CORO1C: variants seen among roughly 807,000 people sequenced by gnomAD.
CORO1C encodes the protein coronin-1C.
In CORO1C, 14 loss-of-function variants were observed where a neutral mutation model predicts 51.2. The ratio of observed to expected loss-of-function variants is 0.27; its 90% CI spans 0.18 to 0.43. CORO1C has a LOEUF of 0.43. Ranked by LOEUF, CORO1C falls within the 20% of genes least tolerant of loss-of-function variation. The pLI is 1.00. For synonymous variants in CORO1C, 181 were observed against 210.5 expected (o/e 0.86, Z 1.21); for missense variants, 417 against 607.8 (o/e 0.69, Z 3.30).
intron 8 of CORO1C, among the ~76,000 whole-genome samples, chr12:108,651,591 C>T (rs1290136470): frequency 6.6e-6 from 1 of 152,130 alleles, no homozygotes; most frequent in Non-Finnish European, 1.5e-5. Context: ...GGTAGGAAAA[C>T]CACCCACTTT....
intron 5 of CORO1C, 80 bp from the exon 6 acceptor site, chr12:108,657,503 C>T: frequency 1.4e-6 from 2 of 1,463,284 alleles, no homozygotes; most frequent in Non-Finnish European, 1.9e-6. Flanking sequence ...ACAGATCCAA[C>T]CTCACCAACT....
At chr12:108,715,221 G>A (rs951603437) in intron 1 of CORO1C, among the ~76,000 whole-genome samples, 5 of 151,874 alleles carry the variant, frequency 3.3e-5, no homozygotes, top group South Asian at 2.1e-4. Context: ...AAGACAAAGC[G>A]AAACTGTGTC....
At chr12:108,673,160 T>C (rs1255955268) in intron 3 of CORO1C, among the ~76,000 whole-genome samples, 2 of 152,218 alleles carry the variant, frequency 1.3e-5, no homozygotes, top group African/African-American at 4.8e-5. Flanking sequence ...TTAAGCCAGT[T>C]AGCCAAGTTG....
At chr12:108,652,851 A>C (rs1024738624) in intron 7 of CORO1C, among the ~76,000 whole-genome samples, 2 of 26,276 alleles carry the variant, frequency 7.6e-5, no homozygotes, top group African/African-American at 4.3e-4. Flanking sequence ...CTGTTATGCC[A>C]GTATGATGAT....
chr12:108,684,643 G>A (rs1216080725), intron 2 of CORO1C, among the ~76,000 whole-genome samples: 1 of 152,058 alleles, frequency 6.6e-6, no homozygotes, highest in African/African-American at 2.4e-5. Context: ...GATTACCTCT[G>A]GGGAAGGAGA....
chr12:108,682,280 C>A (rs1420164810), intron 2 of CORO1C, among the ~76,000 whole-genome samples: 1 of 151,886 alleles, frequency 6.6e-6, no homozygotes, highest in Non-Finnish European at 1.5e-5. Flanking sequence ...ATTAAGCTCA[C>A]TAGATAAGAC....
At chr12:108,716,971 C>T (rs2136882952) in intron 1 of CORO1C, among the ~76,000 whole-genome samples, 1 of 152,360 alleles carries the variant, frequency 6.6e-6, no homozygotes, top group Middle Eastern at 3.4e-3. Flanking sequence ...AGACCTGGCC[C>T]CTGCTCTCAT....
intron 1 of CORO1C, among the ~76,000 whole-genome samples, chr12:108,717,105 C>T (rs2035356224): frequency 6.6e-6 from 1 of 152,192 alleles, no homozygotes; most frequent in African/African-American, 2.4e-5. Context: ...AATCGGGGAA[C>T]AGAAGCAGTC....
At chr12:108,703,951 AC>A (rs1261923200) in intron 1 of CORO1C, among the ~76,000 whole-genome samples, 2 of 152,102 alleles carry the variant, frequency 1.3e-5, no homozygotes, top group Non-Finnish European at 2.9e-5. Context: ...GTGCCCCTCC[AC>A]TCACACAGGC....
In CORO1C at chr12:108,701,171, T is replaced by G. The variant is rs760283072; in HGVS notation, c.148A>C (p.Ile50Leu). 1 of 1,614,178 alleles carries G rather than the reference T, an allele frequency of 6.2e-7. No homozygotes were observed. The highest frequency in any genetic ancestry group is 2.2e-5 in the East Asian group (1 of 44,886). Residue 50 changes from isoleucine (I) to leucine (L), a missense_variant, in exon 2 of 11, where the codon ATA becomes CTA. Physicochemically the swap from Ile to Leu is conservative, Grantham distance 5. Transcript: ENST00000261401. Reference protein sequence around the residue: ...AVNPRFVAIIIEASGGGAFLV... With the variant: ...AVNPRFVAIILEASGGGAFLV... ...AACGCTCCTCCCCCACTTGCCTCTA[T>G]GATTATGGCAACAAATCTGGGATTG...
chr12:108,657,521 A>G (rs540428821), intron 5 of CORO1C, 98 bp from the exon 6 acceptor site: 29 of 1,312,906 alleles, frequency 2.2e-5, no homozygotes, highest in South Asian at 2.0e-4. Flanking sequence ...ACTGCCATTC[A>G]TGTTCACCTG....
At chr12:108,680,172 G>A (rs958265280) in intron 2 of CORO1C, among the ~76,000 whole-genome samples, 1 of 152,216 alleles carries the variant, frequency 6.6e-6, no homozygotes, top group African/African-American at 2.4e-5. Context: ...TGAGAGGAGA[G>A]AGACATTTAA....
chr12:108,697,078 T>A (rs1041678854), intron 2 of CORO1C, among the ~76,000 whole-genome samples: 1 of 152,306 alleles, frequency 6.6e-6, no homozygotes, highest in Non-Finnish European at 1.5e-5. Context: ...AGAAACCATG[T>A]CTAACTTATT....
intron 4 of CORO1C, among the ~76,000 whole-genome samples, chr12:108,659,853 G>A (rs2033182176): frequency 1.3e-5 from 2 of 152,326 alleles, no homozygotes; most frequent in South Asian, 2.1e-4. Flanking sequence ...TGATCATGGT[G>A]AGAAGCCCAA....
intron 1 of CORO1C, chr12:108,702,656 G>GA (rs2034909558): frequency 1.2e-6 from 1 of 814,460 alleles, no homozygotes; most frequent in Non-Finnish European, 1.8e-6. Flanking sequence ...ATACAGAGGA[G>GA]AGCTAACACC....
chr12:108,696,720 A>G (rs920808926), intron 2 of CORO1C, among the ~76,000 whole-genome samples: 7 of 152,272 alleles, frequency 4.6e-5, no homozygotes, highest in Admixed American at 1.3e-4. Context: ...GGACTAAAGA[A>G]TAAGTAAATG....
At chr12:108,730,678 T>G (rs575878456) in intron 1 of CORO1C, 2 of 153,230 alleles carry the variant, frequency 1.3e-5, no homozygotes, top group Non-Finnish European at 2.9e-5. Flanking sequence ...ACAGCCTTCC[T>G]GCTTCGTTCC....
Position 108,704,546 on chromosome 12 carries a change from G to A in CORO1C, c.-5-3223C>T, listed in dbSNP as rs557688092. ...AAATACATGTGGATAGAATGATATAGAAGTTCTTTTGCTACAATCACAGAG... is the reference window on the plus strand; with the variant it reads ...AAATACATGTGGATAGAATGATATAAAAGTTCTTTTGCTACAATCACAGAG... On this transcript the variant is annotated intron_variant, in intron 1 of 10. Coordinates refer to ENST00000261401, the MANE Select transcript of CORO1C (RefSeq NM_014325.4). Among the ~76,000 whole-genome samples the A allele has an allele frequency of 9.2e-5, 14 of 152,178 alleles. No individual in the cohort carries two copies. The South Asian group carries it at 2.9e-3, about 32-fold the overall frequency.
At chr12:108,729,911 T>C (rs1488386139) in intron 1 of CORO1C, among the ~76,000 whole-genome samples, 1 of 152,190 alleles carries the variant, frequency 6.6e-6, no homozygotes, top group Non-Finnish European at 1.5e-5. Flanking sequence ...CAGGAGAACG[T>C]TCTGCCAGAT....
Sources: gnomAD v4.1 joint callset for allele counts (sites outside exome capture counted in the v4.1 genomes callset) on GRCh38, gnomAD v4.1.1 for gene constraint, MANE v1.5 for transcripts, NCBI Gene and HGNC (gene_info 2026-07-23, HGNC 2026-07-21) for gene names.